Variants in BMP1 observed in about 807,000 individuals in gnomAD.
BMP1 encodes the protein bone morphogenetic protein 1.
A neutral mutation model predicts 116.8 loss-of-function variants in BMP1; 63 were observed. The ratio of observed to expected loss-of-function variants is 0.54; its 90% CI spans 0.44 to 0.67. The LOEUF (loss-of-function observed/expected upper bound fraction) is 0.67. Among genes scored for constraint, BMP1 ranks in the 30% least tolerant of loss-of-function variants. The pLI is 0.00. For synonymous variants in BMP1, 536 were observed against 533.4 expected, an observed-to-expected ratio of 1.00 and a Z score of -0.07; for missense variants, 1,183 against 1,358.9, an observed-to-expected ratio of 0.87 and a Z score of 2.04.
chr8:22,183,585 G>A (rs1165797729), intron 8 of BMP1, among the ~76,000 whole-genome samples: 2 of 143,714 alleles, frequency 1.4e-5, no homozygotes, highest in African/African-American at 2.8e-5. Flanking sequence ...GAGCAGGTAT[G>A]TGTTAAATTA....
At chr8:22,199,394 G>T in intron 15 of BMP1, 1 of 1,273,452 alleles carries the variant, frequency 7.9e-7, no homozygotes, top group Non-Finnish European at 1.0e-6. Context: ...TAGGGTGAGT[G>T]CCATCTCCTT....
chr8:22,189,744 G>A (rs1377839125), intron 8 of BMP1, among the ~76,000 whole-genome samples: 2 of 151,948 alleles, frequency 1.3e-5, no homozygotes, highest in African/African-American at 4.8e-5. Flanking sequence ...TCAGTTACAG[G>A]TATGAGCTAC....
Position 22,206,870 on chromosome 8 carries a change from G to C in BMP1, c.2250G>C (p.Lys750Asn). 6.2e-7 allele frequency: 1 copy of C among 1,614,160 alleles called. No homozygotes were observed. The highest frequency in any genetic ancestry group is 8.5e-7 in the Non-Finnish European group (1 of 1,180,012). ...TCCCTGCAGCCGGCTGTGACCACAA[G>C]GTGACATCCACCAGTGGTACCATCA... ...HDCKEAGCDHKVTSTSGTITS... is the reference protein window; with the variant it reads ...HDCKEAGCDHNVTSTSGTITS... Residue 750 changes from lysine (K) to asparagine (N), a missense_variant, in exon 17 of 20, where the codon AAG becomes AAC. By Grantham distance (94) the Lys-to-Asn change is moderately conservative (BLOSUM62 0). Around this residue, in one of 4 missense-constraint regions of BMP1, gnomAD observed 956 missense variants for 1,135.2 expected, o/e 0.84. Transcript: ENST00000306385.
At chr8:22,207,643 G>A in intron 18 of BMP1, 127 bp downstream of exon 18, 2 of 1,106,800 alleles carry the variant, frequency 1.8e-6, no homozygotes, top group South Asian at 3.0e-5. Flanking sequence ...CAGGGTTGTG[G>A]GTGATGCAAA....
chr8:22,196,234 C>A (rs1005751939), intron 13 of BMP1: 2 of 527,382 alleles, frequency 3.8e-6, no homozygotes, highest in African/African-American at 3.8e-5. Flanking sequence ...ACACTGTTTC[C>A]GCCTCTCCAC....
intron 8 of BMP1, among the ~76,000 whole-genome samples, chr8:22,184,937 C>G (rs141620800): frequency 0.013 from 1,918 of 152,280 alleles, 40 homozygotes; most frequent in African/African-American, 0.043. Context: ...CATTTGCCTC[C>G]CAATTCTCAG....
intron 19 of BMP1, among the ~76,000 whole-genome samples, chr8:22,210,437 C>G (rs1401359693): frequency 4.9e-5 from 6 of 121,674 alleles, no homozygotes; most frequent in Non-Finnish European, 8.7e-5. Context: ...ACCCATCTCT[C>G]TCTCTTTCCC....
chr8:22,184,235 C>T (rs539345366), intron 8 of BMP1, among the ~76,000 whole-genome samples: 4 of 152,314 alleles, frequency 2.6e-5, no homozygotes, highest in African/African-American at 7.2e-5. Context: ...GGAGTTTTTG[C>T]AATCGGCTGG....
rs181328614 is a variant in BMP1 at position 22,194,602 on chromosome 8, G to C, written c.1443+12G>C. 2,504 of 1,613,846 alleles carry C rather than the reference G, an allele frequency of 1.6e-3. 79 individuals carry two copies. The Admixed American group carries it at 0.039, about 25-fold the overall frequency. On this transcript the variant is annotated intron_variant, in intron 11 of 19. Transcript: ENST00000306385. This position sits in a 1 kb window ranked among gnomAD's most constrained non-coding sequence, Gnocchi z 4.5. ...TCCAGTCCTTTGAGGTAGGTCAGTGGCCCTGTGATCTGACCTTTGAATCCA... is the reference window on the plus strand; with the variant it reads ...TCCAGTCCTTTGAGGTAGGTCAGTGCCCCTGTGATCTGACCTTTGAATCCA...
In BMP1 at chr8:22,211,860, G is replaced by C. The variant is rs2131907950; in HGVS notation, c.*132G>C. On this transcript the variant is annotated 3_prime_UTR_variant, in exon 20 of 20. Transcript: ENST00000306385. The stretch of plus-strand genomic sequence containing the variant: ...CAGGACCTGCAGGGCCAATGGCCTG[G>C]TGAGACTGTCCATAGGAGGTGGGGG... The C allele has an allele frequency of 7.2e-7, 1 of 1,397,900 alleles. No individual in the cohort carries two copies. Among genetic ancestry groups the C allele is most frequent in the East Asian group, 2.4e-5 (1 of 42,482 alleles). The allele number at this position is 1,397,900 out of a possible 1,614,324, so 86.6% of individuals were successfully genotyped here.
At chr8:22,203,547 A>T (rs1426113747) in intron 16 of BMP1, among the ~76,000 whole-genome samples, 1 of 152,078 alleles carries the variant, frequency 6.6e-6, no homozygotes, top group African/African-American at 2.4e-5. Flanking sequence ...ACAGAGCAAG[A>T]CTCCGTTTCA....
rs1377352559 is a variant in BMP1, at chr8:22,184,908, C to T, written c.1077+4425C>T. ...GGATGGACTTTGCCGTCTATTTTGG[C>T]TGTGGGGAAGTTGTTTTTCATTTGC... On this transcript the variant is annotated intron_variant, in intron 8 of 19. Coordinates refer to ENST00000306385, the MANE Select transcript of BMP1 (RefSeq NM_006129.5). Among the ~76,000 whole-genome samples the T allele has an allele frequency of 2.0e-5, 3 of 152,204 alleles. 1 individual carries two copies. The highest frequency in any genetic ancestry group is 6.6e-5 in the Admixed American group (1 of 15,266).
At chr8:22,176,783 C>A in intron 4 of BMP1, 133 bp downstream of exon 4, 1 of 1,077,446 alleles carries the variant, frequency 9.3e-7, no homozygotes. Flanking sequence ...GGCATCTACC[C>A]AGGAACTGCC....
At chr8:22,171,812 A>G (rs980381042) in intron 1 of BMP1, 3 of 152,150 alleles carry the variant, frequency 2.0e-5, no homozygotes, top group Non-Finnish European at 4.4e-5. Flanking sequence ...CATTCTGTTG[A>G]TCCTGTCTAG....
chr8:22,204,500 A>G (rs944629683), intron 16 of BMP1, among the ~76,000 whole-genome samples: 1 of 152,200 alleles, frequency 6.6e-6, no homozygotes, highest in African/African-American at 2.4e-5. Context: ...ATGGGGGCAG[A>G]TTGCCTGAGC....
chr8:22,195,333 A>G (rs2131884687), intron 12 of BMP1, 129 bp from the exon 13 acceptor site: 3 of 1,185,942 alleles, frequency 2.5e-6, no homozygotes, highest in Non-Finnish European at 3.5e-6. Context: ...GCTCTGAAGG[A>G]AGGCTCTGTG....
intron 8 of BMP1, among the ~76,000 whole-genome samples, chr8:22,186,311 T>A (rs1287947967): frequency 1.3e-5 from 2 of 152,028 alleles, no homozygotes; most frequent in Admixed American, 1.3e-4. Flanking sequence ...CTGAGCAGAG[T>A]TGCTTGGCAG....
chr8:22,177,538 T>C, intron 5 of BMP1: 1 of 725,754 alleles, frequency 1.4e-6, no homozygotes, highest in South Asian at 1.4e-5. Context: ...TCTCTGTCCC[T>C]CCCTTCCCGC....
At chr8:22,209,982 C>T (rs984931751) in intron 19 of BMP1, among the ~76,000 whole-genome samples, 6 of 152,282 alleles carry the variant, frequency 3.9e-5, no homozygotes, top group African/African-American at 1.4e-4. Flanking sequence ...CGGCCTGGAG[C>T]GGATGGAGCT....
Sources: allele counts gnomAD v4.1 joint callset (sites outside exome capture counted in the v4.1 genomes callset), GRCh38; gene constraint gnomAD v4.1.1; regional missense constraint gnomAD v4.1.1; non-coding constraint Gnocchi (gnomAD v3.1); transcripts MANE v1.5; gene names NCBI Gene and HGNC (gene_info 2026-07-23, HGNC 2026-07-21).